The following FAM20C variants were observed in gnomAD, a reference collection of about 807,000 sequenced individuals.
The protein encoded by FAM20C is FAM20C golgi associated secretory pathway kinase.
In FAM20C, 40 loss-of-function variants were observed where a neutral mutation model predicts 51.5. The ratio of observed to expected loss-of-function variants is 0.78; its 90% CI spans 0.60 to 1.01. The LOEUF is 1.01. Ranked by LOEUF, FAM20C falls within the 50% of genes least tolerant of loss-of-function variation. The pLI, the probability that FAM20C is intolerant of heterozygous loss-of-function variation, is 0.00. For synonymous variants in FAM20C, 406 were observed against 380.6 expected (o/e 1.07, Z -0.78); for missense variants, 861 against 844.7 (o/e 1.02, Z -0.24).
intron 3 of FAM20C, among the ~76,000 whole-genome samples, chr7:233,688 G>C (rs1300869847): frequency 6.6e-6 from 1 of 152,148 alleles, no homozygotes; most frequent in Non-Finnish European, 1.5e-5. Flanking sequence ...GGGACGCTGT[G>C]GTCTCTCCTT....
chr7:255,175 C>T (rs1439987860), intron 5 of FAM20C, among the ~76,000 whole-genome samples: 1 of 152,186 alleles, frequency 6.6e-6, no homozygotes, highest in South Asian at 2.1e-4. Context: ...AGACCGTTTC[C>T]GCCGTGGCTG....
chr7:253,793 G>A (rs1788491943), intron 5 of FAM20C, among the ~76,000 whole-genome samples: 1 of 152,226 alleles, frequency 6.6e-6, no homozygotes, highest in Admixed American at 6.5e-5. Flanking sequence ...GTGGGCCCGA[G>A]AAATGCCTTT....
At chr7:240,536 G>T (rs1787911721) in intron 3 of FAM20C, among the ~76,000 whole-genome samples, 3 of 151,960 alleles carry the variant, frequency 2.0e-5, no homozygotes, top group African/African-American at 7.2e-5. Flanking sequence ...TGGTGGTGAT[G>T]GTGATGGTGG....
chr7:233,259 C>G (rs1383403599), intron 3 of FAM20C, among the ~76,000 whole-genome samples: 2 of 152,220 alleles, frequency 1.3e-5, no homozygotes, highest in East Asian at 3.9e-4. Flanking sequence ...ACAGCAGTGC[C>G]TTCTCTCGAT....
At chr7:236,711 G>A (rs963692483) in intron 3 of FAM20C, among the ~76,000 whole-genome samples, 2 of 150,756 alleles carry the variant, frequency 1.3e-5, no homozygotes, top group African/African-American at 4.9e-5. Context: ...GTTTCATGCG[G>A]AGGTGAGGCG....
rs1562401783 is a variant in FAM20C at position 258,286 on chromosome 7, CTGGGGTG to C, written c.1446-359_1446-353del. Reference sequence around the variant, plus strand: ...GAGATAGGCAGGGTGGACCCACTGCCTGGGGTGCTGGAGATGGGTGGGATGGACCCAC... The same window carrying C: ...GAGATAGGCAGGGTGGACCCACTGCCCTGGAGATGGGTGGGATGGACCCAC... On this transcript the variant is annotated intron_variant, in intron 8 of 9. Transcript: ENST00000313766. 2.5e-3 allele frequency among the ~76,000 whole-genome samples: 311 copies of C among 124,846 alleles called. 34 individuals are homozygous for C. Among genetic ancestry groups the C allele is most frequent in the African/African-American group, 8.4e-3 (242 of 28,896 alleles). 81.9% of individuals were successfully genotyped at this position (124,846 alleles called of 152,430 possible).
intron 5 of FAM20C, among the ~76,000 whole-genome samples, chr7:251,160 C>T (rs1312816137): frequency 1.3e-5 from 2 of 150,508 alleles, no homozygotes; most frequent in African/African-American, 2.4e-5. Flanking sequence ...TGGCCGGGCA[C>T]GGCGGCTCAC....
intron 3 of FAM20C, among the ~76,000 whole-genome samples, chr7:214,590 G>C (rs1477999177): frequency 6.6e-6 from 1 of 152,082 alleles, no homozygotes; most frequent in East Asian, 1.9e-4. Context: ...GCCTGGCGTA[G>C]CCACTGTTGC....
chr7:206,148 C>T (rs1786368048), intron 2 of FAM20C, among the ~76,000 whole-genome samples: 1 of 152,216 alleles, frequency 6.6e-6, no homozygotes, highest in Non-Finnish European at 1.5e-5. Flanking sequence ...CATTCCCTCT[C>T]TGGCCGTCCC....
chr7:217,291 C>T (rs912041091), intron 3 of FAM20C, among the ~76,000 whole-genome samples: 1 of 129,506 alleles, frequency 7.7e-6, no homozygotes, highest in Non-Finnish European at 1.6e-5. Context: ...TTATTGGGGT[C>T]GAGGCTTGCC....
At chr7:217,916 G>A (rs1320741160) in intron 3 of FAM20C, among the ~76,000 whole-genome samples, 1 of 152,126 alleles carries the variant, frequency 6.6e-6, no homozygotes, top group African/African-American at 2.4e-5. Context: ...AGGTGCAGCT[G>A]CTCTTTAATT....
chr7:231,520 T>C (rs1787684186), intron 3 of FAM20C, among the ~76,000 whole-genome samples: 1 of 150,704 alleles, frequency 6.6e-6, no homozygotes, highest in Non-Finnish European at 1.5e-5. Flanking sequence ...GGGAGGAGGG[T>C]CCTGGCGTGG....
At chr7:222,811 G>C (rs1478702669) in intron 3 of FAM20C, among the ~76,000 whole-genome samples, 1 of 152,118 alleles carries the variant, frequency 6.6e-6, no homozygotes, top group Non-Finnish European at 1.5e-5. Context: ...GTGTATGCAT[G>C]TGTATGAGTG....
At chr7:233,656 G>T (rs979668794) in intron 3 of FAM20C, among the ~76,000 whole-genome samples, 2 of 152,118 alleles carry the variant, frequency 1.3e-5, no homozygotes, top group Non-Finnish European at 2.9e-5. Flanking sequence ...CTGAAGTCAG[G>T]TCTCCCTCGG....
At chr7:206,092 C>T (rs1033047831) in intron 2 of FAM20C, among the ~76,000 whole-genome samples, 3 of 152,160 alleles carry the variant, frequency 2.0e-5, no homozygotes, top group African/African-American at 4.8e-5. Context: ...GTCCCTGGAG[C>T]GTCTCCGTCA....
chr7:246,326 T>G, intron 3 of FAM20C, 89 bp from the exon 4 acceptor site: 1 of 1,109,668 alleles, frequency 9.0e-7, no homozygotes, highest in Non-Finnish European at 1.3e-6. Context: ...GCATTTTTCA[T>G]ATGAGGAACC....
Position 193,375 on chromosome 7 carries a change from G to A in FAM20C, c.176G>A (p.Gly59Asp). Residue 59 changes from glycine to aspartate, a missense_variant, in exon 1 of 10, where the codon GGC becomes GAC. By Grantham distance (94) the Gly-to-Asp change is moderately conservative. This residue lies in a region of FAM20C where 561 missense variants were observed against 499.8 expected (regional missense o/e 1.12). Transcript: ENST00000313766. ...CCCGCCGCCGAGGTGGCCGCGCCCG[G>A]CTGGGCCCAGGTTCGGGGCCGCCCC... ...AQPAAEVAAP[G>D]WAQVRGRPGE... is the part of the protein sequence containing the mutation. 7.7e-7 allele frequency: 1 copy of A among 1,295,956 alleles called. No individual in the cohort carries two copies. 80.3% of individuals were successfully genotyped at this position (1,295,956 alleles called of 1,614,324 possible). A position where few individuals can be genotyped will look rare whatever the true frequency, so the allele number is the denominator to read the frequency against.
rs771584191 is a variant in FAM20C, at chr7:256,176, G to A, written c.1253+147G>A. On this transcript the variant is annotated intron_variant, in intron 6 of 9. Transcript: ENST00000313766. ...CGATGCTGGCCTGTGTGAGATGACCGCTTCCTGATGAGACGGTGGCAGAGG... is the reference window on the plus strand; with the variant it reads ...CGATGCTGGCCTGTGTGAGATGACCACTTCCTGATGAGACGGTGGCAGAGG... 1.3e-3 allele frequency: 1,292 copies of A among 1,025,352 alleles called. 4 individuals carry two copies. Among genetic ancestry groups the A allele is most frequent in the Non-Finnish European group, 1.6e-3 (1,126 of 725,748 alleles). The allele number at this position is 1,025,352 out of a possible 1,614,324, so 63.5% of individuals were successfully genotyped here.
At chr7:207,666 C>T (rs923108660) in intron 2 of FAM20C, among the ~76,000 whole-genome samples, 6 of 152,244 alleles carry the variant, frequency 3.9e-5, no homozygotes, top group South Asian at 2.1e-4. Context: ...GTGATGTTGA[C>T]GTGTGACCAG....
Sources: gnomAD v4.1 joint callset for allele counts (sites outside exome capture counted in the v4.1 genomes callset) on GRCh38, gnomAD v4.1.1 for gene constraint, gnomAD v4.1.1 regional missense constraint, MANE v1.5 for transcripts, NCBI Gene and HGNC (gene_info 2026-07-23, HGNC 2026-07-21) for gene names.